RPS6KC1: variants seen among roughly 807,000 people sequenced by gnomAD.
RPS6KC1 encodes inactive ribosomal protein S6 kinase delta-1.
RPS6KC1 carries 54 observed loss-of-function variants against 103.8 expected under a neutral mutation model. That is an observed-to-expected ratio of 0.52 (90% CI 0.42 to 0.65). The LOEUF (loss-of-function observed/expected upper bound fraction) is 0.65. RPS6KC1 is among the 30% of genes least tolerant of loss of function. RPS6KC1 has a pLI of 0.00. For synonymous variants in RPS6KC1, 439 were observed against 438.7 expected (o/e 1.00, Z -0.01); for missense variants, 1,151 against 1,253.8 (o/e 0.92, Z 1.24).
chr1:213,646,687 A>C, the RPS6KC1 span, among the ~76,000 whole-genome samples: 1 of 151,898 alleles, frequency 6.6e-6, no homozygotes, highest in Non-Finnish European at 1.5e-5. Flanking sequence ...GGCAGGATGA[A>C]GGAACAAGAG....
chr1:213,170,279 T>G (rs982294830), intron 7 of RPS6KC1, among the ~76,000 whole-genome samples: 1 of 152,234 alleles, frequency 6.6e-6, no homozygotes, highest in Non-Finnish European at 1.5e-5. Flanking sequence ...TAGTTTTAAC[T>G]AGAAGAATAG....
chr1:213,529,516 A>G, the RPS6KC1 span, among the ~76,000 whole-genome samples: 2 of 152,232 alleles, frequency 1.3e-5, no homozygotes, highest in Non-Finnish European at 2.9e-5. Context: ...TCATACACAT[A>G]CACACAGAAA....
At chr1:213,093,578 T>G (rs1402303643) in intron 3 of RPS6KC1, among the ~76,000 whole-genome samples, 1 of 152,184 alleles carries the variant, frequency 6.6e-6, no homozygotes, top group African/African-American at 2.4e-5. Context: ...AGTCCTCTTG[T>G]AATTTTGCAT....
rs778507132 is a variant in RPS6KC1, at chr1:213,077,669, A to T, written c.142-27A>T. ...ATATCTGAACCTAAATGGTTATGAG[A>T]TACATGTTTAATTTTTTTCTCTCTA... On this transcript the variant is annotated intron_variant, in intron 2 of 14. Transcript: ENST00000366960. 3.0e-6 allele frequency: 4 copies of T among 1,342,122 alleles called. No homozygotes were observed. In the African/African-American group the frequency reaches 4.4e-5, roughly 15 times the overall value. 83.1% of individuals were successfully genotyped at this position (1,342,122 alleles called of 1,614,324 possible).
At chr1:213,824,593 G>A in the RPS6KC1 span, among the ~76,000 whole-genome samples, 2 of 152,224 alleles carry the variant, frequency 1.3e-5, no homozygotes, top group African/African-American at 4.8e-5. Context: ...CTGGTTGGAG[G>A]TAATTGAATC....
At chr1:213,583,945 G>A in the RPS6KC1 span, among the ~76,000 whole-genome samples, 70 of 151,974 alleles carry the variant, frequency 4.6e-4, no homozygotes, top group Non-Finnish European at 8.7e-4. Flanking sequence ...TTTGCATCTT[G>A]ATATGGTTTG....
At chr1:213,378,501 C>T in the RPS6KC1 span, among the ~76,000 whole-genome samples, 1 of 152,146 alleles carries the variant, frequency 6.6e-6, no homozygotes, top group Non-Finnish European at 1.5e-5. Flanking sequence ...TAAGCTTGTG[C>T]TCCCTGAGCA....
At chr1:213,741,210 T>C in the RPS6KC1 span, among the ~76,000 whole-genome samples, 1 of 151,856 alleles carries the variant, frequency 6.6e-6, no homozygotes, top group African/African-American at 2.4e-5. Flanking sequence ...AATCAAACTA[T>C]TAATATATTC....
chr1:213,641,164 AT>A, the RPS6KC1 span, among the ~76,000 whole-genome samples: 76,452 of 150,642 alleles, frequency 0.51, 19,444 homozygotes, highest in Middle Eastern at 0.57. Context: ...CTCTTTTACC[AT>A]TTTTTTTCTA....
Position 213,241,723 on chromosome 1 carries a change from A to G in RPS6KC1, c.2247A>G (p.Ile749Met). The G allele has an allele frequency of 1.2e-6, 2 of 1,614,002 alleles. No individual in the cohort carries two copies. Among genetic ancestry groups the G allele is most frequent in the Non-Finnish European group, 8.5e-7 (1 of 1,179,950 alleles). ...EQCQAHEEKG[I>M]EELSDPSGPK... ...GCCAAGCACATGAGGAGAAAGGCAT[A>G]GAGGAACTGAGTGATCCCTCTGGGC... is the stretch of plus-strand genomic sequence containing the variant. The change falls in exon 11 of 15, where the codon ATA (isoleucine) becomes ATG (methionine). Residue 749 changes from isoleucine to methionine, a missense_variant. This residue lies in a region of RPS6KC1 where 959 missense variants were observed against 1,006.3 expected (regional missense o/e 0.95). Transcript: ENST00000366960.
chr1:213,829,903 T>C, the RPS6KC1 span, among the ~76,000 whole-genome samples: 12 of 152,310 alleles, frequency 7.9e-5, no homozygotes, highest in South Asian at 2.5e-3. Flanking sequence ...AATGTGCCTA[T>C]TAGGATGACA....
chr1:213,200,455 C>T (rs1454217367), intron 8 of RPS6KC1, among the ~76,000 whole-genome samples: 1 of 152,148 alleles, frequency 6.6e-6, no homozygotes, highest in East Asian at 1.9e-4. Context: ...AAACTAGACT[C>T]CTTCCTTACA....
At chr1:213,098,397 C>T (rs1218093509) in intron 3 of RPS6KC1, among the ~76,000 whole-genome samples, 1 of 151,462 alleles carries the variant, frequency 6.6e-6, no homozygotes, top group Non-Finnish European at 1.5e-5. Flanking sequence ...CCGCCTCAGC[C>T]TCTGAGAGTA....
the RPS6KC1 span, among the ~76,000 whole-genome samples, chr1:213,789,863 G>A: frequency 6.6e-6 from 1 of 152,174 alleles, no homozygotes; most frequent in Non-Finnish European, 1.5e-5. Flanking sequence ...TAAGTCAAAT[G>A]CTGAGATAGG....
the RPS6KC1 span, among the ~76,000 whole-genome samples, chr1:213,706,632 G>T: frequency 6.6e-6 from 1 of 152,008 alleles, no homozygotes; most frequent in East Asian, 1.9e-4. Flanking sequence ...ATGTGCCAGG[G>T]TTGTTTGCTG....
the RPS6KC1 span, among the ~76,000 whole-genome samples, chr1:213,728,937 GT>G: frequency 2.1e-5 from 2 of 93,416 alleles, no homozygotes; most frequent in East Asian, 3.6e-4. Context: ...GAACATGAGG[GT>G]TTTTTTTTTG....
intron 5 of RPS6KC1, among the ~76,000 whole-genome samples, chr1:213,123,890 G>A (rs1027931909): frequency 1.3e-5 from 2 of 152,088 alleles, no homozygotes; most frequent in Admixed American, 6.6e-5. Context: ...AAAGGAAACC[G>A]ATCTCTTTTT....
At chr1:213,589,763 T>C in the RPS6KC1 span, among the ~76,000 whole-genome samples, 1 of 151,976 alleles carries the variant, frequency 6.6e-6, no homozygotes, top group Non-Finnish European at 1.5e-5. Flanking sequence ...CCTTCTAAGA[T>C]CCTGTTGGTC....
the RPS6KC1 span, among the ~76,000 whole-genome samples, chr1:213,383,552 T>C: frequency 1.3e-5 from 2 of 152,292 alleles, no homozygotes; most frequent in Admixed American, 6.5e-5. Context: ...GGAGGTATTA[T>C]GGACTAAATA....
Sources: gnomAD v4.1 joint callset for allele counts (sites outside exome capture counted in the v4.1 genomes callset) on GRCh38, gnomAD v4.1.1 for gene constraint, gnomAD v4.1.1 regional missense constraint, MANE v1.5 for transcripts, NCBI Gene and HGNC (gene_info 2026-07-23, HGNC 2026-07-21) for gene names.